The following CYP7B1 variants were observed in gnomAD, a reference collection of about 807,000 sequenced individuals.
CYP7B1 encodes the protein cytochrome P450 family 7 subfamily B member 1.
CYP7B1 carries 29 observed loss-of-function variants against 42.7 expected under a neutral mutation model. That is an observed-to-expected ratio of 0.68 (90% CI 0.51 to 0.93). CYP7B1 has a LOEUF of 0.93. CYP7B1 is among the 40% of genes least tolerant of loss of function. The probability of loss-of-function intolerance (pLI) is 0.00; values close to 1 mark genes in which losing one functional copy is unlikely to be tolerated. For synonymous variants in CYP7B1, 235 were observed against 218.2 expected (o/e 1.08, Z -0.68); for missense variants, 655 against 600.5 (o/e 1.09, Z -0.95).
At chr8:64,694,648 ATTAG>A (rs746729432) in intron 1 of CYP7B1, among the ~76,000 whole-genome samples, 178 of 152,200 alleles carry the variant, frequency 1.2e-3, no homozygotes, top group Non-Finnish European at 2.3e-3. Context: ...ATAATAGAAA[ATTAG>A]TTAATATTTC....
intron 1 of CYP7B1, among the ~76,000 whole-genome samples, chr8:64,668,415 T>G: frequency 6.6e-6 from 1 of 151,832 alleles, no homozygotes; most frequent in East Asian, 1.9e-4. Flanking sequence ...CATATTTTAT[T>G]TTTTTTTAGC....
intron 1 of CYP7B1, among the ~76,000 whole-genome samples, chr8:64,754,685 G>C (rs1257602514): frequency 1.3e-5 from 2 of 152,132 alleles, no homozygotes; most frequent in African/African-American, 2.4e-5. Flanking sequence ...TAGGATCCTG[G>C]GGATGGAGGT....
intron 1 of CYP7B1, among the ~76,000 whole-genome samples, chr8:64,634,605 A>G (rs1805743915): frequency 6.6e-6 from 1 of 151,970 alleles, no homozygotes; most frequent in African/African-American, 2.4e-5. Context: ...AAAAAGAAAG[A>G]AATGCTATGT....
At chr8:64,643,044 G>A (rs1355472903) in intron 1 of CYP7B1, among the ~76,000 whole-genome samples, 1 of 130,520 alleles carries the variant, frequency 7.7e-6, no homozygotes, top group African/African-American at 2.8e-5. Flanking sequence ...ATTAGTCAGT[G>A]TTCTCCAGAA....
chr8:64,791,651 C>T (rs932328249), intron 1 of CYP7B1, among the ~76,000 whole-genome samples: 12 of 152,180 alleles, frequency 7.9e-5, no homozygotes, highest in Non-Finnish European at 1.5e-5. Flanking sequence ...GACATTAGCC[C>T]AGGAGGACTT....
chr8:64,703,374 T>G (rs1806946292), intron 1 of CYP7B1, among the ~76,000 whole-genome samples: 1 of 152,028 alleles, frequency 6.6e-6, no homozygotes, highest in African/African-American at 2.4e-5. Context: ...CACCATGATA[T>G]TCTACTCTTC....
chr8:64,621,580 A>G (rs184594710), intron 2 of CYP7B1, among the ~76,000 whole-genome samples: 7 of 152,294 alleles, frequency 4.6e-5, no homozygotes, highest in Non-Finnish European at 4.4e-5. Context: ...ATGGTGTGTG[A>G]AGCACAAGGC....
chr8:64,603,283 C>G (rs1156978686), intron 5 of CYP7B1, among the ~76,000 whole-genome samples: 1 of 151,990 alleles, frequency 6.6e-6, no homozygotes, highest in Non-Finnish European at 1.5e-5. Context: ...TTTTAAGTTC[C>G]TAAGTCTAAA....
intron 5 of CYP7B1, among the ~76,000 whole-genome samples, chr8:64,598,980 C>T (rs1805158836): frequency 6.6e-6 from 1 of 152,042 alleles, no homozygotes; most frequent in Non-Finnish European, 1.5e-5. Context: ...GCATGGAAAA[C>T]CTAAGCAGGA....
At chr8:64,714,670 G>C (rs1259910020) in intron 1 of CYP7B1, among the ~76,000 whole-genome samples, 2 of 152,196 alleles carry the variant, frequency 1.3e-5, no homozygotes, top group Admixed American at 1.3e-4. Context: ...GTGATGGACA[G>C]GTCTGGACAC....
intron 1 of CYP7B1, among the ~76,000 whole-genome samples, chr8:64,655,834 A>T (rs1806112597): frequency 6.6e-6 from 1 of 152,242 alleles, no homozygotes; most frequent in Non-Finnish European, 1.5e-5. Flanking sequence ...AACCATAAAA[A>T]AGAATGAAAT....
At chr8:64,797,464 A>G (rs777040011) in intron 1 of CYP7B1, among the ~76,000 whole-genome samples, 4 of 152,130 alleles carry the variant, frequency 2.6e-5, no homozygotes, top group Non-Finnish European at 5.9e-5. Context: ...CAGCCATTGG[A>G]AAAGGCAACC....
chr8:64,659,814 T>C (rs138615398), intron 1 of CYP7B1, among the ~76,000 whole-genome samples: 1 of 152,264 alleles, frequency 6.6e-6, no homozygotes, highest in African/African-American at 2.4e-5. Context: ...CAAAACAGCC[T>C]GGTGGAGTTA....
chr8:64,629,226 CAAA>C (rs10717028), intron 1 of CYP7B1, among the ~76,000 whole-genome samples: 6 of 72,522 alleles, frequency 8.3e-5, no homozygotes, highest in Non-Finnish European at 5.8e-5. Flanking sequence ...GAATCCATCT[CAAA>C]AAAAAAAAAA....
At chr8:64,698,735 C>T (rs575751859) in intron 1 of CYP7B1, among the ~76,000 whole-genome samples, 1 of 152,204 alleles carries the variant, frequency 6.6e-6, no homozygotes, top group South Asian at 2.1e-4. Flanking sequence ...AAGTTGAACT[C>T]TGAACTGTAC....
At chr8:64,674,983 A>T (rs1806423856) in intron 1 of CYP7B1, among the ~76,000 whole-genome samples, 1 of 152,012 alleles carries the variant, frequency 6.6e-6, no homozygotes. Flanking sequence ...TTATTAAATG[A>T]TGTGCTGTAA....
intron 1 of CYP7B1, among the ~76,000 whole-genome samples, chr8:64,787,239 T>TG (rs35793187): frequency 0.27 from 40,934 of 152,154 alleles, 6,792 homozygotes; most frequent in African/African-American, 0.47. Flanking sequence ...TTCTCTAAAA[T>TG]GTTTTTTCTT....
chr8:64,691,482 T>TCGG (rs1554532278), intron 1 of CYP7B1, among the ~76,000 whole-genome samples: 1 of 53,486 alleles, frequency 1.9e-5, no homozygotes, highest in African/African-American at 6.2e-5. Context: ...CGATGGCAAC[T>TCGG]GGGGGGGGGG....
chr8:64,669,922 A>T (rs2129631659), intron 1 of CYP7B1, among the ~76,000 whole-genome samples: 1 of 152,252 alleles, frequency 6.6e-6, no homozygotes, highest in East Asian at 1.9e-4. Context: ...TGCAAACTGT[A>T]CTCTAAGCCT....
Sources: gnomAD v4.1 joint callset for allele counts (sites outside exome capture counted in the v4.1 genomes callset) on GRCh38, gnomAD v4.1.1 for gene constraint, MANE v1.5 for transcripts, NCBI Gene and HGNC (gene_info 2026-07-23, HGNC 2026-07-21) for gene names.